Variants in PDGFD observed in about 807,000 individuals in gnomAD.
PDGFD encodes the protein platelet-derived growth factor D.
Under a neutral mutation model 44.7 loss-of-function variants are expected in PDGFD, and 30 were observed. The ratio of observed to expected loss-of-function variants is 0.67; its 90% confidence interval spans 0.50 to 0.91. The LOEUF is 0.91. Among genes scored for constraint, PDGFD ranks in the 40% least tolerant of loss-of-function variants. The probability of loss-of-function intolerance (pLI) is 0.00; values close to 1 mark genes in which losing one functional copy is unlikely to be tolerated. For synonymous variants in PDGFD, 173 were observed against 168.4 expected, an observed-to-expected ratio of 1.03 and a Z score of -0.21; for missense variants, 445 against 457.8, an observed-to-expected ratio of 0.97 and a Z score of 0.25.
intron 1 of PDGFD, among the ~76,000 whole-genome samples, chr11:104,006,184 C>T (rs1321661873): frequency 6.6e-6 from 1 of 152,128 alleles, no homozygotes; most frequent in Non-Finnish European, 1.5e-5. Flanking sequence ...TTAACATCAC[C>T]TAGGAGTCTG....
intron 1 of PDGFD, among the ~76,000 whole-genome samples, chr11:104,042,165 T>A (rs944654986): frequency 2.0e-5 from 3 of 152,246 alleles, no homozygotes; most frequent in Admixed American, 6.5e-5. Context: ...TAACTGATTC[T>A]GTCTTAGGTA....
At chr11:103,994,640 A>G (rs978096674) in intron 3 of PDGFD, among the ~76,000 whole-genome samples, 10 of 152,186 alleles carry the variant, frequency 6.6e-5, no homozygotes, top group Non-Finnish European at 1.3e-4. Context: ...AAATAAAAAA[A>G]TAAATTGATG....
chr11:104,056,793 T>A (rs1019543130), intron 1 of PDGFD, among the ~76,000 whole-genome samples: 1 of 152,220 alleles, frequency 6.6e-6, no homozygotes, highest in African/African-American at 2.4e-5. Context: ...TTTTATATAC[T>A]AGCAGTGAAC....
rs561556090 is a variant in PDGFD at position 104,057,396 on chromosome 11, C to T, written c.125-57141G>A. On this transcript the variant is annotated intron_variant, in intron 1 of 6. Transcript: ENST00000393158. ...TTTATACAAAAAACAAAGGGCCAGACCATTCGTCTAAGCAAATTAACACAG... is the reference window on the plus strand; with the variant it reads ...TTTATACAAAAAACAAAGGGCCAGATCATTCGTCTAAGCAAATTAACACAG... 1.3e-3 allele frequency among the ~76,000 whole-genome samples: 192 copies of T among 152,246 alleles called. 2 individuals are homozygous for T. The highest frequency in any genetic ancestry group is 2.4e-3 in the Non-Finnish European group (161 of 68,024).
intron 1 of PDGFD, among the ~76,000 whole-genome samples, chr11:104,023,547 C>T (rs966980294): frequency 5.9e-5 from 9 of 152,068 alleles, no homozygotes; most frequent in South Asian, 2.1e-4. Flanking sequence ...TATATAAAAG[C>T]GCACTATCGA....
intron 1 of PDGFD, chr11:104,037,909 G>A: frequency 6.2e-7 from 1 of 1,614,156 alleles, no homozygotes. Context: ...TTTTCTTCCT[G>A]AGGGAGAGTT....
chr11:104,050,883 C>T (rs1313608911), intron 1 of PDGFD, among the ~76,000 whole-genome samples: 1 of 152,186 alleles, frequency 6.6e-6, no homozygotes, highest in Non-Finnish European at 1.5e-5. Flanking sequence ...TGGAAGCTAG[C>T]TCTTACACTG....
intron 1 of PDGFD, among the ~76,000 whole-genome samples, chr11:104,162,465 T>A (rs115630741): frequency 0.028 from 4,187 of 151,876 alleles, 201 homozygotes; most frequent in African/African-American, 0.094. Flanking sequence ...AGTAAAAAAA[T>A]AAATAAATAA....
intron 1 of PDGFD, among the ~76,000 whole-genome samples, chr11:104,154,996 CTA>C (rs1862288306): frequency 6.6e-6 from 1 of 152,162 alleles, no homozygotes; most frequent in Non-Finnish European, 1.5e-5. Context: ...GATGTGTTTT[CTA>C]TGTTTTCATC....
At chr11:104,025,858 C>A (rs557214189) in intron 1 of PDGFD, among the ~76,000 whole-genome samples, 27 of 152,328 alleles carry the variant, frequency 1.8e-4, no homozygotes, top group African/African-American at 6.3e-4. Context: ...AGCTTCCAGC[C>A]TCTAGGAAGC....
chr11:104,163,953 T>C lies in PDGFD; in HGVS notation c.-26A>G. 1.3e-6 allele frequency: 2 copies of C among 1,509,616 alleles called. No homozygotes were observed. The highest frequency in any genetic ancestry group is 1.8e-6 in the Non-Finnish European group (2 of 1,114,472). 93.5% of individuals were successfully genotyped at this position (1,509,616 alleles called of 1,614,324 possible). ...TTGGGATCAGCGACTAGAGACAGCGTCGCTCCAAGAAAAAGCCGGGTTCTG... is the reference window on the plus strand; with the variant it reads ...TTGGGATCAGCGACTAGAGACAGCGCCGCTCCAAGAAAAAGCCGGGTTCTG... On this transcript the variant is annotated 5_prime_UTR_variant, in exon 1 of 7. Transcript: ENST00000393158.
At chr11:104,063,080 A>G (rs1290815668) in intron 1 of PDGFD, among the ~76,000 whole-genome samples, 1 of 152,178 alleles carries the variant, frequency 6.6e-6, no homozygotes, top group African/African-American at 2.4e-5. Context: ...TTTGGAAAGA[A>G]CTGGGAGACA....
At chr11:104,084,855 A>AAATAT (rs1206662994) in intron 1 of PDGFD, among the ~76,000 whole-genome samples, 1 of 146,608 alleles carries the variant, frequency 6.8e-6, no homozygotes, top group Non-Finnish European at 1.5e-5. Context: ...ATATATTTTA[A>AAATAT]AATATAATAT....
chr11:103,965,582 T>A (rs1324611452), intron 3 of PDGFD, among the ~76,000 whole-genome samples: 1 of 152,158 alleles, frequency 6.6e-6, no homozygotes, highest in Admixed American at 6.5e-5. Flanking sequence ...ATACAATTGA[T>A]ATTCAAAGCT....
At chr11:104,087,412 TTGG>T (rs770094066) in intron 1 of PDGFD, among the ~76,000 whole-genome samples, 55 of 152,144 alleles carry the variant, frequency 3.6e-4, no homozygotes, top group Non-Finnish European at 7.2e-4. Flanking sequence ...CTTCACCATG[TTGG>T]TCAGGCTGGT....
At chr11:104,054,183 G>A (rs1242415376) in intron 1 of PDGFD, among the ~76,000 whole-genome samples, 1 of 152,290 alleles carries the variant, frequency 6.6e-6, no homozygotes. Context: ...ACTGGGAAGC[G>A]ATTTCTGCAA....
chr11:103,943,650 C>G lies in PDGFD; in HGVS notation c.574G>C (p.Gly192Arg). 6.2e-7 allele frequency: 1 copy of G among 1,611,056 alleles called. No individual in the cohort carries two copies. The highest frequency in any genetic ancestry group is 8.5e-7 in the Non-Finnish European group (1 of 1,178,432). ...NWESVTSSIS[G>R]VSYNSPSVTD... ...ACTGATGGAGAGTTATAGGATACCC[C>G]CTAAGAGTGACATACAGCTCAGTGT... is the stretch of plus-strand genomic sequence containing the variant. The change falls in exon 5 of 7, where the codon GGG becomes CGG. Residue 192 changes from glycine to arginine, a missense_variant and splice_region_variant. Coordinates refer to ENST00000393158, the MANE Select transcript of PDGFD (RefSeq NM_025208.5).
chr11:103,968,020 T>G (rs772881393), intron 3 of PDGFD, among the ~76,000 whole-genome samples: 24 of 152,174 alleles, frequency 1.6e-4, no homozygotes, highest in Non-Finnish European at 2.5e-4. Flanking sequence ...TAATAGCCTC[T>G]GAATTGCCAA....
intron 1 of PDGFD, among the ~76,000 whole-genome samples, chr11:104,144,507 C>CAAAAAAA (rs201864924): frequency 4.3e-4 from 32 of 73,778 alleles, no homozygotes; most frequent in African/African-American, 1.6e-3. Context: ...ACTCCGTCAC[C>CAAAAAAA]AAAAAAAAAA....
Sources: gnomAD v4.1 joint callset for allele counts (sites outside exome capture counted in the v4.1 genomes callset) on GRCh38, gnomAD v4.1.1 for gene constraint, MANE v1.5 for transcripts, NCBI Gene and HGNC (gene_info 2026-07-23, HGNC 2026-07-21) for gene names.